SYDE2: variants seen among roughly 807,000 people sequenced by gnomAD.
SYDE2 encodes the protein synapse defective Rho GTPase homolog 2, also known as rho GTPase-activating protein SYDE2.
SYDE2 carries 76 observed loss-of-function variants against 91.5 expected under a neutral mutation model. That is an observed-to-expected ratio of 0.83 (90% confidence interval 0.69 to 1.01). The LOEUF is 1.01. SYDE2 is among the 50% of genes least tolerant of loss of function. The pLI is 0.00. For missense variants in SYDE2, 1,364 were observed against 1,367.7 expected (o/e 1.00, Z 0.04); for synonymous variants, 513 against 506.4 (o/e 1.01, Z -0.18).
chr1:85,200,223 G>A, intron 1 of SYDE2, 29 bp downstream of exon 1: 1 of 1,613,518 alleles, frequency 6.2e-7, no homozygotes, highest in Non-Finnish European at 8.5e-7. Flanking sequence ...GGCTCGCGGT[G>A]CTAGCATTTT....
At chr1:85,171,535 T>C (rs1482947163) in intron 4 of SYDE2, among the ~76,000 whole-genome samples, 1 of 152,154 alleles carries the variant, frequency 6.6e-6, no homozygotes, top group Non-Finnish European at 1.5e-5. Flanking sequence ...CAGAGAACAG[T>C]GTTTTTTCAA....
chr1:85,184,838 C>T (rs1658066490), intron 2 of SYDE2, among the ~76,000 whole-genome samples: 1 of 150,948 alleles, frequency 6.6e-6, no homozygotes, highest in African/African-American at 2.4e-5. Context: ...CGTGATTGTG[C>T]CACTTGCACT....
chr1:85,178,238 G>A lies in SYDE2; in HGVS notation c.2579C>T (p.Ala860Val), dbSNP rs1391446991. The change falls in exon 4 of 7, where the codon GCA becomes GTA. Residue 860 changes from alanine (A) to valine (V), a missense_variant. Physicochemically the swap from Ala to Val is moderately conservative, Grantham distance 64 (BLOSUM62 0). Transcript: ENST00000341460. The stretch of plus-strand genomic sequence containing the variant: ...AGCCTCTCGCAGTTCTTTCTTGACT[G>A]CTGCCGAACCACATAATCGATACAG... The part of the protein sequence containing the change: ...VGLYRLCGSA[A>V]VKKELREAFE... 1.9e-6 allele frequency: 3 copies of A among 1,580,626 alleles called. No homozygotes were observed. Among genetic ancestry groups the A allele is most frequent in the Non-Finnish European group, 2.6e-6 (3 of 1,162,076 alleles).
At chr1:85,193,777 C>T (rs1411780754) in intron 1 of SYDE2, among the ~76,000 whole-genome samples, 3 of 152,114 alleles carry the variant, frequency 2.0e-5, no homozygotes, top group African/African-American at 7.2e-5. Context: ...GCTTGCACCA[C>T]CACACCTGGC....
chr1:85,155,443 A>G (rs1656858366), downstream of SYDE2, among the ~76,000 whole-genome samples: 1 of 152,174 alleles, frequency 6.6e-6, no homozygotes, highest in Non-Finnish European at 1.5e-5. Context: ...ATTTGAGACC[A>G]GTCCTGGCAA....
chr1:85,154,588 G>GA (rs1401366422), downstream of SYDE2, among the ~76,000 whole-genome samples: 1 of 149,926 alleles, frequency 6.7e-6, no homozygotes, highest in Non-Finnish European at 1.5e-5. Context: ...GGAACTCACT[G>GA]AAAAAACATG....
chr1:85,191,171 C>A (rs1329206857), intron 1 of SYDE2, among the ~76,000 whole-genome samples: 3 of 152,056 alleles, frequency 2.0e-5, no homozygotes, highest in African/African-American at 7.3e-5. Context: ...TTCCTCCTAC[C>A]CTTTTCACAC....
chr1:85,167,977 G>A (rs767901359), intron 5 of SYDE2, among the ~76,000 whole-genome samples: 1 of 152,064 alleles, frequency 6.6e-6, no homozygotes, highest in East Asian at 1.9e-4. Flanking sequence ...AGTCGGGCAT[G>A]GTGGCGCCCA....
At position 85,200,279 on chromosome 1, in the gene SYDE2, G is replaced by A. The variant is rs761061298; in HGVS notation, c.718C>T (p.Pro240Ser). ...KVRENRVLSV[P>S]PDQRITLTDL... ...GTCAGCGTAATTCTTTGGTCTGGAG[G>A]CACCGACAGGACACGGTTTTCACGC... Residue 240 changes from proline to serine, a missense_variant, in exon 1 of 7, where the codon CCT becomes TCT. Physicochemically the swap from Pro to Ser is moderately conservative, Grantham distance 74 (BLOSUM62 -1). Coordinates refer to ENST00000341460, the MANE Select transcript of SYDE2 (RefSeq NM_032184.2). 1 of 1,613,946 alleles carries A rather than the reference G, an allele frequency of 6.2e-7. No individual in the cohort carries two copies.
At chr1:85,192,260 T>C (rs1434593097) in intron 1 of SYDE2, among the ~76,000 whole-genome samples, 1 of 151,862 alleles carries the variant, frequency 6.6e-6, no homozygotes, top group Non-Finnish European at 1.5e-5. Flanking sequence ...ATTTAAAAAT[T>C]AGCCAGGTGT....
rs1656941095 is a variant in SYDE2 at position 85,158,514 on chromosome 1, AT to A, written c.*235del. 2.3e-6 allele frequency: 1 copy of A among 426,994 alleles called. No individual in the cohort carries two copies. The highest frequency in any genetic ancestry group is 4.1e-6 in the Non-Finnish European group (1 of 246,238). 26.5% of individuals were successfully genotyped at this position (426,994 alleles called of 1,614,324 possible). A position where few individuals can be genotyped will look rare whatever the true frequency, so the allele number is the denominator to read the frequency against. On this transcript the variant is annotated 3_prime_UTR_variant, in exon 7 of 7. Coordinates refer to ENST00000341460, the MANE Select transcript of SYDE2 (RefSeq NM_032184.2). The stretch of plus-strand genomic sequence containing the variant: ...AAGTTATCTCCATAGAGTTGGCAAG[AT>A]TTAGTAAAATATCCCAAGAAGTCCA...
chr1:85,182,555 C>T lies in SYDE2; in HGVS notation c.2087G>A (p.Arg696Gln), dbSNP rs762947899. Residue 696 changes from arginine (R) to glutamine (Q), a missense_variant, in exon 3 of 7, where the codon CGG becomes CAG. By Grantham distance (43) the Arg-to-Gln change is conservative (BLOSUM62 1). Coordinates refer to ENST00000341460, the MANE Select transcript of SYDE2 (RefSeq NM_032184.2). ...FYGAEDLKPP[R>Q]IDSKDVFCAI... ...ACAAAAGACGTCTTTTGAATCTATC[C>T]GAGGTGGTTTTAAATCCTCAGCACC... 13 of 1,613,816 alleles carry T rather than the reference C, an allele frequency of 8.1e-6. No individual in the cohort carries two copies. In the South Asian group the frequency reaches 8.8e-5, roughly 11 times the overall value.
intron 4 of SYDE2, among the ~76,000 whole-genome samples, chr1:85,170,486 T>A (rs989019744): frequency 2.0e-5 from 3 of 152,202 alleles, no homozygotes; most frequent in African/African-American, 7.2e-5. Context: ...GTCTCCCTCA[T>A]TGAGAGTTGA....
chr1:85,155,022 A>AG (rs1490904334), downstream of SYDE2, among the ~76,000 whole-genome samples: 1 of 149,450 alleles, frequency 6.7e-6, no homozygotes, highest in African/African-American at 2.5e-5. Context: ...AAAAAAAAAA[A>AG]AAAGAAAAGA....
chr1:85,198,672 A>G (rs1658692826), intron 1 of SYDE2, among the ~76,000 whole-genome samples: 1 of 152,222 alleles, frequency 6.6e-6, no homozygotes, highest in African/African-American at 2.4e-5. Flanking sequence ...AAATCCTTGA[A>G]TGTTTACTAC....
intron 4 of SYDE2, among the ~76,000 whole-genome samples, chr1:85,170,846 TTTC>T (rs1382831063): frequency 5.3e-5 from 8 of 152,242 alleles, no homozygotes; most frequent in Non-Finnish European, 1.2e-4. Flanking sequence ...ACTAGAATTG[TTTC>T]TTATCTTTTG....
chr1:85,164,949 T>C (rs1427320034), intron 5 of SYDE2, among the ~76,000 whole-genome samples, 192 bp from the exon 6 acceptor site: 1 of 152,160 alleles, frequency 6.6e-6, no homozygotes, highest in Non-Finnish European at 1.5e-5. Flanking sequence ...CTAAATTATG[T>C]TCCAGCCGGG....
chr1:85,182,922 T>C lies in SYDE2; in HGVS notation c.1720A>G (p.Ile574Val), dbSNP rs1173183393. Residue 574 changes from isoleucine (I) to valine (V), a missense_variant, in exon 3 of 7, where the codon ATT becomes GTT. Transcript: ENST00000341460. The part of the protein sequence containing the change: ...YNCREVHHTD[I>V]LPSGNTTTAA... ...GTGGTTGTGTTCCCAGAGGGCAGAATATCAGTATGATGAACTTCTCGGCAG... is the reference window on the plus strand; with the variant it reads ...GTGGTTGTGTTCCCAGAGGGCAGAACATCAGTATGATGAACTTCTCGGCAG... 1 of 1,613,872 alleles carries C rather than the reference T, an allele frequency of 6.2e-7. No homozygotes were observed. The highest frequency in any genetic ancestry group is 1.1e-5 in the South Asian group (1 of 91,082).
intron 2 of SYDE2, among the ~76,000 whole-genome samples, chr1:85,186,019 T>C (rs1658125301): frequency 1.3e-5 from 2 of 152,028 alleles, no homozygotes; most frequent in East Asian, 3.8e-4. Context: ...TTGTTGAATT[T>C]TGTCAAAGGC....
Sources: allele counts gnomAD v4.1 joint callset (sites outside exome capture counted in the v4.1 genomes callset), GRCh38; gene constraint gnomAD v4.1.1; transcripts MANE v1.5; gene names NCBI Gene and HGNC (gene_info 2026-07-23, HGNC 2026-07-21).